The following DTNA variants were observed in gnomAD, a reference collection of about 807,000 sequenced individuals.
DTNA encodes the protein dystrophin-related protein 3.
Under a neutral mutation model 100.7 loss-of-function variants are expected in DTNA, and 43 were observed. That is an observed-to-expected ratio of 0.43 (90% CI 0.33 to 0.55). The LOEUF (loss-of-function observed/expected upper bound fraction) is 0.55, where lower values mean the gene tolerates loss of function less well. Ranked by LOEUF, DTNA falls within the 20% of genes least tolerant of loss-of-function variation. DTNA has a pLI of 0.04. For synonymous variants in DTNA, 349 were observed against 347.9 expected, an observed-to-expected ratio of 1.00 and a Z score of -0.04; for missense variants, 798 against 953.9, an observed-to-expected ratio of 0.84 and a Z score of 2.15.
In DTNA at chr18:34,818,218, G is replaced by A; in HGVS notation, c.764G>A (p.Arg255His). 2 of 1,613,972 alleles carry A rather than the reference G, an allele frequency of 1.2e-6. No individual in the cohort carries two copies. Among genetic ancestry groups the A allele is most frequent in the Non-Finnish European group, 1.7e-6 (2 of 1,179,944 alleles). Residue 255 changes from arginine (R) to histidine (H), a missense_variant, in exon 8 of 23, where the codon CGC becomes CAC. Transcript: ENST00000444659. The part of the protein sequence containing the change: ...YCHSESMMGF[R>H]YRCQQCHNYQ... ...CACAGTGAGAGTATGATGGGATTTC[G>A]CTACCGATGCCAACAGTGTCACAAT...
intron 1 of DTNA, among the ~76,000 whole-genome samples, chr18:34,505,610 T>C (rs1426689117): frequency 6.6e-6 from 1 of 152,216 alleles, no homozygotes; most frequent in Non-Finnish European, 1.5e-5. Context: ...GTCACTCACA[T>C]TCTGCTCTTG....
intron 1 of DTNA, among the ~76,000 whole-genome samples, chr18:34,538,828 A>C (rs1433422765): frequency 6.6e-6 from 1 of 152,024 alleles, no homozygotes; most frequent in African/African-American, 2.4e-5. Context: ...GTATGTGTAC[A>C]GTCTTTGGGT....
Position 34,503,505 on chromosome 18 carries a change from C to T in DTNA, c.-2+9991C>T, listed in dbSNP as rs184772404. Among the ~76,000 whole-genome samples the T allele has an allele frequency of 3.8e-4, 58 of 151,856 alleles. 1 individual carries two copies. Among genetic ancestry groups the T allele is most frequent in the Non-Finnish European group, 4.1e-4 (28 of 67,928 alleles). On this transcript the variant is annotated intron_variant, in intron 1 of 19. Coordinates refer to the DTNA transcript ENST00000283365. ...GGTTCCACCTTAGCCAGGATGGTCT[C>T]GATCTCCCGACCTCGTGATCTGCCC...
chr18:34,606,313 A>G (rs2053095626), intron 1 of DTNA, among the ~76,000 whole-genome samples: 1 of 152,180 alleles, frequency 6.6e-6, no homozygotes. Flanking sequence ...ATATGATGGT[A>G]TATATTTTCA....
intron 13 of DTNA, among the ~76,000 whole-genome samples, chr18:34,839,140 C>T (rs1443023569): frequency 6.6e-6 from 1 of 152,148 alleles, no homozygotes; most frequent in Non-Finnish European, 1.5e-5. Context: ...TTCTGTGCTA[C>T]GTGTCATGTC....
At chr18:34,748,643 C>T (rs1486534285) in intron 1 of DTNA, among the ~76,000 whole-genome samples, 1 of 152,110 alleles carries the variant, frequency 6.6e-6, no homozygotes, top group African/African-American at 2.4e-5. Flanking sequence ...TCTGAGTTCT[C>T]TATTCTGTTC....
At chr18:34,748,390 G>A (rs1206098636) in intron 1 of DTNA, among the ~76,000 whole-genome samples, 1 of 152,098 alleles carries the variant, frequency 6.6e-6, no homozygotes, top group Non-Finnish European at 1.5e-5. Flanking sequence ...CTAGGTTAAA[G>A]TCTAGAAGAG....
At chr18:34,884,912 G>A (rs748537836) in intron 22 of DTNA, 136 bp downstream of exon 22, 40 of 1,072,548 alleles carry the variant, frequency 3.7e-5, no homozygotes, top group South Asian at 7.8e-5. Flanking sequence ...TGCTGATATC[G>A]AAGAGTCGTC....
Position 34,812,061 on chromosome 18 carries a change from G to A in DTNA, c.551G>A (p.Gly184Asp). ...AAACTACCCACGGCAGTTTTTGAAG[G>A]TCCTTCATTTGGTTACACAGAACAG... ...VLKLPTAVFE[G>D]PSFGYTEQSA... Residue 184 changes from glycine (G) to aspartate (D), a missense_variant, in exon 6 of 23, where the codon GGT becomes GAT. Transcript: ENST00000444659. 6.2e-7 allele frequency: 1 copy of A among 1,614,014 alleles called. No individual in the cohort carries two copies. The highest frequency in any genetic ancestry group is 8.5e-7 in the Non-Finnish European group (1 of 1,179,960).
At chr18:34,504,473 C>A (rs2040289003) in intron 1 of DTNA, among the ~76,000 whole-genome samples, 2 of 152,020 alleles carry the variant, frequency 1.3e-5, no homozygotes. Context: ...TTTATTGTTT[C>A]CTTTTTGTTT....
intron 22 of DTNA, among the ~76,000 whole-genome samples, chr18:34,886,568 A>G (rs138939202): frequency 1.8e-4 from 27 of 152,364 alleles, no homozygotes; most frequent in African/African-American, 5.8e-4. Context: ...AGTCTAATAA[A>G]ATGTGCTTGC....
chr18:34,812,097 C>G lies in DTNA; in HGVS notation c.587C>G (p.Ser196Cys). 1.9e-6 allele frequency: 3 copies of G among 1,614,012 alleles called. No individual in the cohort carries two copies. Among genetic ancestry groups the G allele is most frequent in the Non-Finnish European group, 2.5e-6 (3 of 1,179,922 alleles). Residue 196 changes from serine (S) to cysteine (C), a missense_variant, in exon 6 of 23, where the codon TCC (serine) becomes TGC (cysteine). By Grantham distance (112) the Ser-to-Cys change is moderately radical. Coordinates refer to ENST00000444659, the MANE Select transcript of DTNA (RefSeq NM_001386795.1). ...SFGYTEQSAR[S>C]CFSQQKKVTL... Reference sequence around the variant, plus strand: ...GGTTACACAGAACAGTCAGCCAGATCCTGTTTCTCCCAACAGGTAGGAGAA... The same window carrying G: ...GGTTACACAGAACAGTCAGCCAGATGCTGTTTCTCCCAACAGGTAGGAGAA...
chr18:34,832,976 CTTA>C (rs1256341900), intron 11 of DTNA, among the ~76,000 whole-genome samples: 1 of 152,010 alleles, frequency 6.6e-6, no homozygotes, highest in Non-Finnish European at 1.5e-5. Flanking sequence ...GTCATACAAG[CTTA>C]TTAATAATTT....
chr18:34,778,984 A>ATTCT (rs1555789274), intron 3 of DTNA, among the ~76,000 whole-genome samples: 1 of 147,360 alleles, frequency 6.8e-6, no homozygotes, highest in Non-Finnish European at 1.5e-5. Context: ...TGCCCAGCTA[A>ATTCT]TTTTTTTTTT....
intron 17 of DTNA, among the ~76,000 whole-genome samples, 188 bp from the exon 18 acceptor site, chr18:34,875,048 GATT>G (rs1196605361): frequency 6.6e-6 from 1 of 152,174 alleles, no homozygotes; most frequent in Non-Finnish European, 1.5e-5. Context: ...CCAAACTTCA[GATT>G]ACATACAATA....
chr18:34,829,392 T>C lies in DTNA; in HGVS notation c.1086-8T>C. 1 of 1,535,176 alleles carries C rather than the reference T, an allele frequency of 6.5e-7. No homozygotes were observed. Among genetic ancestry groups the C allele is most frequent in the Non-Finnish European group, 8.7e-7 (1 of 1,146,622 alleles). ...TTTTAATGAGGTCTCATTGTTTGAC[T>C]CCCTCAGGTTACCTGAGGGAATAAG... is the stretch of plus-strand genomic sequence containing the variant. On this transcript the variant is annotated splice_region_variant and splice_polypyrimidine_tract_variant and intron_variant, in intron 10 of 22. Coordinates refer to ENST00000444659, the MANE Select transcript of DTNA (RefSeq NM_001386795.1).
intron 1 of DTNA, among the ~76,000 whole-genome samples, chr18:34,541,588 T>G (rs551578079): frequency 6.6e-6 from 1 of 152,192 alleles, no homozygotes; most frequent in African/African-American, 2.4e-5. Flanking sequence ...TCCCCAGCCA[T>G]GTGTAACTGT....
At chr18:34,862,023 A>G (rs1315526169) in intron 16 of DTNA, among the ~76,000 whole-genome samples, 1 of 152,130 alleles carries the variant, frequency 6.6e-6, no homozygotes, top group Non-Finnish European at 1.5e-5. Context: ...AAAATTACAG[A>G]ACAGTATCAA....
intron 1 of DTNA, among the ~76,000 whole-genome samples, chr18:34,658,970 G>A (rs1354619837): frequency 6.6e-6 from 1 of 152,222 alleles, no homozygotes; most frequent in African/African-American, 2.4e-5. Context: ...GTGCTATGGA[G>A]TATGTTGCAC....
Sources: gnomAD v4.1 joint callset for allele counts (sites outside exome capture counted in the v4.1 genomes callset) on GRCh38, gnomAD v4.1.1 for gene constraint, MANE v1.5 for transcripts, NCBI Gene and HGNC (gene_info 2026-07-23, HGNC 2026-07-21) for gene names.